Variants in CEP250 observed in about 807,000 individuals in gnomAD.
The protein encoded by CEP250 is centrosomal protein 250, also known as centrosome-associated protein CEP250.
In CEP250, 242 loss-of-function variants were observed where a neutral mutation model predicts 315.7. The ratio of observed to expected loss-of-function variants is 0.77; its 90% confidence interval spans 0.69 to 0.85. The LOEUF (loss-of-function observed/expected upper bound fraction) is 0.85. Ranked by LOEUF, CEP250 falls within the 40% of genes least tolerant of loss-of-function variation. The probability of loss-of-function intolerance (pLI) is 0.00; values close to 1 mark genes in which losing one functional copy is unlikely to be tolerated. For synonymous variants in CEP250, 1,088 were observed against 1,175.0 expected (o/e 0.93, Z 1.51); for missense variants, 2,515 against 2,886.4 (o/e 0.87, Z 2.95).
At position 35,507,816 on chromosome 20, in the gene CEP250, G is replaced by C. The variant is rs2064232707; in HGVS notation, c.6715G>C (p.Gly2239Arg). The C allele has an allele frequency of 6.3e-7, 1 of 1,584,138 alleles. No homozygotes were observed. Among genetic ancestry groups the C allele is most frequent in the African/African-American group, 1.4e-5 (1 of 73,924 alleles). ...SPGATSTAEL[G>R]SRGEQGVQLG... ...AGGTGCAACCAGCACAGCAGAACTG[G>C]GGTCCAGAGGGGAGCAGGGTGTGCA... Residue 2239 changes from glycine (G) to arginine (R), a missense_variant, in exon 31 of 35, where the codon GGG (glycine) becomes CGG (arginine). Gly to Arg is a moderately radical substitution (Grantham distance 125). Transcript: ENST00000397527.
chr20:35,489,495 CTGT>C (rs1216578826), intron 20 of CEP250, among the ~76,000 whole-genome samples: 1 of 152,206 alleles, frequency 6.6e-6, no homozygotes, highest in East Asian at 1.9e-4. Flanking sequence ...GAGAATGACA[CTGT>C]TGTTATCCCC....
chr20:35,505,072 C>A, intron 30 of CEP250, 67 bp downstream of exon 30: 1 of 1,387,802 alleles, frequency 7.2e-7, no homozygotes, highest in Non-Finnish European at 9.7e-7. Flanking sequence ...CAGGGACTGC[C>A]CACCACCCTG....
At chr20:35,478,561 CA>C (rs1262140798) in intron 17 of CEP250, among the ~76,000 whole-genome samples, 1 of 151,676 alleles carries the variant, frequency 6.6e-6, no homozygotes, top group Non-Finnish European at 1.5e-5. Context: ...CGACACTGCT[CA>C]AAAAAACAAA....
rs1325954482 is a variant in CEP250 at position 35,473,675 on chromosome 20, G to A, written c.1388+123G>A. On this transcript the variant is annotated intron_variant, in intron 13 of 34. Transcript: ENST00000397527. Reference sequence around the variant, plus strand: ...GATCCTGTTCTCCTTGAGACTCAGGGCTGTTTTGCCCAGTGTTTCACTTGT... The same window carrying A: ...GATCCTGTTCTCCTTGAGACTCAGGACTGTTTTGCCCAGTGTTTCACTTGT... The A allele has an allele frequency of 4.4e-6, 5 of 1,136,082 alleles. 1 individual carries two copies. The South Asian group carries it at 8.2e-5, about 19-fold the overall frequency. 70.4% of individuals were successfully genotyped at this position (1,136,082 alleles called of 1,614,324 possible).
At chr20:35,492,258 A>G (rs2063718149) in intron 22 of CEP250, among the ~76,000 whole-genome samples, 1 of 152,196 alleles carries the variant, frequency 6.6e-6, no homozygotes, top group Admixed American at 6.5e-5. Context: ...GCTTCCATTT[A>G]TATGAAACAC....
chr20:35,465,918 C>T, intron 6 of CEP250, 93 bp downstream of exon 6: 1 of 1,513,390 alleles, frequency 6.6e-7, no homozygotes, highest in Admixed American at 1.9e-5. Flanking sequence ...ATGTGGACTT[C>T]AGCCATAGCC....
rs1212475637 is a variant in CEP250 at position 35,508,041 on chromosome 20, G to A, written c.6757G>A (p.Gly2253Arg). The A allele has an allele frequency of 6.2e-7, 1 of 1,614,200 alleles. No homozygotes were observed. Among genetic ancestry groups the A allele is most frequent in the Admixed American group, 1.7e-5 (1 of 60,012 alleles). Reference protein sequence around the residue: ...EQGVQLGEVSGVEAEPSPDGM... With the variant: ...EQGVQLGEVSRVEAEPSPDGM... ...TCACAGGTCTTTCCCACAGGTCTCA[G>A]GAGTGGAGGCTGAGCCTAGTCCTGA... The change falls in exon 32 of 35, where the codon GGA becomes AGA. Residue 2253 changes from glycine (G) to arginine (R), a missense_variant. By Grantham distance (125) the Gly-to-Arg change is moderately radical (BLOSUM62 -2). Transcript: ENST00000397527.
At chr20:35,511,336 C>CA (rs772959712) in intron 34 of CEP250, 27 bp from the exon 35 acceptor site, 2 of 1,102,028 alleles carry the variant, frequency 1.8e-6, no homozygotes, top group African/African-American at 3.6e-5. Flanking sequence ...GCTGCTCTCG[C>CA]TTTTTTTTTT....
Position 35,475,566 on chromosome 20 carries a change from C to T in CEP250, c.1636C>T (p.Arg546Trp), listed in dbSNP as rs2063148034. 3.1e-6 allele frequency: 5 copies of T among 1,614,136 alleles called. No homozygotes were observed. Among genetic ancestry groups the T allele is most frequent in the African/African-American group, 1.3e-5 (1 of 75,026 alleles). ...SESLSELITL[R>W]EALESSHLEG... ...ATCACTCAGTGAACTGATCACTCTTCGGGAAGCCCTGGAGTCAAGTCACCT... is the reference window on the plus strand; with the variant it reads ...ATCACTCAGTGAACTGATCACTCTTTGGGAAGCCCTGGAGTCAAGTCACCT... Residue 546 changes from arginine to tryptophan, a missense_variant, in exon 15 of 35, where the codon CGG (arginine) becomes TGG (tryptophan). Arg to Trp is a moderately radical substitution (Grantham distance 101). Transcript: ENST00000397527.
rs751345284 is a variant in CEP250, at chr20:35,463,614, C to T, written c.226C>T (p.Arg76Trp). The T allele has an allele frequency of 1.6e-5, 26 of 1,608,444 alleles. No individual in the cohort carries two copies. Among genetic ancestry groups the T allele is most frequent in the African/African-American group, 2.7e-5 (2 of 74,610 alleles). Reference protein sequence around the residue: ...YRSWCQELEKRLEATGGPIPQ... With the variant: ...YRSWCQELEKWLEATGGPIPQ... ...AAGCTGGTGCCAAGAGCTGGAGAAGCGGCTAGAAGCCACTGGAGTGAGTGA... is the reference window on the plus strand; with the variant it reads ...AAGCTGGTGCCAAGAGCTGGAGAAGTGGCTAGAAGCCACTGGAGTGAGTGA... The change falls in exon 5 of 35, where the codon CGG becomes TGG. Residue 76 changes from arginine (R) to tryptophan (W), a missense_variant. Arg to Trp is a moderately radical substitution (Grantham distance 101). Coordinates refer to ENST00000397527, the MANE Select transcript of CEP250 (RefSeq NM_007186.6).
intron 20 of CEP250, among the ~76,000 whole-genome samples, chr20:35,485,645 CTTT>C (rs782622070): frequency 2.3e-3 from 78 of 33,790 alleles, no homozygotes; most frequent in African/African-American, 9.0e-3. Context: ...GTCTGCCTGG[CTTT>C]TTTTTTTTTT....
In CEP250 at chr20:35,465,764, GA is replaced by G; in HGVS notation, c.269del (p.Asn90MetfsTer24). 1 of 1,607,214 alleles carries G rather than the reference GA, an allele frequency of 6.2e-7. No individual in the cohort carries two copies. The highest frequency in any genetic ancestry group is 1.1e-5 in the South Asian group (1 of 89,132). ...GCAGGGACCAATCCCCCAGAGGTGG[GA>G]AAATGTGGAGGAGCCAAACCTGGAT... ...ATGGPIPQRW[E>X]NVEEPNLDEL... On this transcript the variant is annotated frameshift_variant, in exon 6 of 35. Transcript: ENST00000397527. LOFTEE classifies it high-confidence loss of function.
At chr20:35,485,009 A>C (rs999318379) in intron 20 of CEP250, among the ~76,000 whole-genome samples, 11 of 148,256 alleles carry the variant, frequency 7.4e-5, no homozygotes, top group African/African-American at 2.5e-4. Flanking sequence ...TGGGAGGCTG[A>C]GGCAGGACGA....
At chr20:35,493,242 C>A (rs2063746482) in intron 22 of CEP250, among the ~76,000 whole-genome samples, 187 bp from the exon 23 acceptor site, 1 of 151,856 alleles carries the variant, frequency 6.6e-6, no homozygotes, top group South Asian at 2.1e-4. Context: ...AATTCATGGA[C>A]TCTGACCAAG....
chr20:35,475,042 C>T (rs911789907), intron 14 of CEP250, among the ~76,000 whole-genome samples: 6 of 152,044 alleles, frequency 3.9e-5, no homozygotes, highest in African/African-American at 1.4e-4. Context: ...CCCCTAACAA[C>T]AAAAAATTAG....
At position 35,500,149 on chromosome 20, in the gene CEP250, A is replaced by G. The variant is rs775302174; in HGVS notation, c.3878A>G (p.Gln1293Arg). 11 of 1,613,924 alleles carry G rather than the reference A, an allele frequency of 6.8e-6. No homozygotes were observed. The East Asian group carries it at 2.0e-4, about 29-fold the overall frequency. Residue 1293 changes from glutamine (Q) to arginine (R), a missense_variant, in exon 28 of 35, where the codon CAG becomes CGG. By Grantham distance (43) the Gln-to-Arg change is conservative. Transcript: ENST00000397527. ...ACAGAGTTGCAGGATCTGCAGAGAC[A>G]GCTCTCCCAGAATCAGGAAGGTGAG... ...VHTELQDLQR[Q>R]LSQNQEEKSK...
At chr20:35,469,749 G>A (rs1020708763) in intron 9 of CEP250, 141 bp from the exon 10 acceptor site, 12 of 525,890 alleles carry the variant, frequency 2.3e-5, no homozygotes, top group Non-Finnish European at 3.7e-5. Context: ...GAGTGCAGAC[G>A]GGCTGGGGGT....
At chr20:35,462,609 C>G (rs1418045582) in intron 4 of CEP250, 56 bp downstream of exon 4, 12 of 1,465,936 alleles carry the variant, frequency 8.2e-6, no homozygotes, top group Non-Finnish European at 1.0e-5. Flanking sequence ...GAGCTAGGTG[C>G]TGAGGTGAGA....
Position 35,479,963 on chromosome 20 carries a change from C to T in CEP250, c.2417-13C>T. The T allele has an allele frequency of 3.1e-6, 5 of 1,612,742 alleles. No individual in the cohort carries two copies. Among genetic ancestry groups the T allele is most frequent in the Non-Finnish European group, 4.2e-6 (5 of 1,179,246 alleles). On this transcript the variant is annotated splice_polypyrimidine_tract_variant and intron_variant, in intron 19 of 34. Transcript: ENST00000397527. ...GAGGGGGCGGAGGCCTGATCCTGTC[C>T]CTGGCATGTTAGGGGAAGTGAGGTG... is the stretch of plus-strand genomic sequence containing the variant.
Sources: allele counts gnomAD v4.1 joint callset (sites outside exome capture counted in the v4.1 genomes callset), GRCh38; gene constraint gnomAD v4.1.1; transcripts MANE v1.5; gene names NCBI Gene and HGNC (gene_info 2026-07-23, HGNC 2026-07-21).